Variants in PTK2B observed in about 807,000 individuals in gnomAD.
The protein encoded by PTK2B is protein-tyrosine kinase 2-beta.
A neutral mutation model predicts 142.9 loss-of-function variants in PTK2B; 71 were observed. The ratio of observed to expected loss-of-function variants is 0.50; its 90% CI spans 0.41 to 0.61. The LOEUF (loss-of-function observed/expected upper bound fraction) is 0.61. PTK2B is among the 20% of genes least tolerant of loss of function. The pLI is 0.00. For synonymous variants in PTK2B, 519 were observed against 503.4 expected, an observed-to-expected ratio of 1.03 and a Z score of -0.42; for missense variants, 1,105 against 1,320.4, an observed-to-expected ratio of 0.84 and a Z score of 2.53.
At chr8:27,434,588 C>T in intron 13 of PTK2B, 29 bp downstream of exon 13, 1 of 1,589,554 alleles carries the variant, frequency 6.3e-7, no homozygotes, top group Non-Finnish European at 8.6e-7. Flanking sequence ...CCTCCACCTG[C>T]TCCAGTTGCC....
At chr8:27,311,272 C>T, upstream of PTK2B, 3 of 1,461,684 alleles carry the variant, frequency 2.1e-6, no homozygotes, top group Non-Finnish European at 1.8e-6. Context: ...GGAACTTTTG[C>T]TCCGGCCCCT....
chr8:27,317,206 T>C (rs1412959663), intron 3 of PTK2B, among the ~76,000 whole-genome samples: 2 of 152,226 alleles, frequency 1.3e-5, no homozygotes, highest in Non-Finnish European at 2.9e-5. Context: ...CCCTTGCATC[T>C]TATTGGCCAG....
At chr8:27,423,944 G>A (rs1398550834) in intron 5 of PTK2B, among the ~76,000 whole-genome samples, 1 of 152,232 alleles carries the variant, frequency 6.6e-6, no homozygotes, top group Middle Eastern at 3.4e-3. Context: ...TTAGAAGGCA[G>A]CCCAGCTCAC....
Position 27,438,912 on chromosome 8 carries a change from G to C in PTK2B, c.1644-119G>C, listed in dbSNP as rs1411343329. ...ACAGAAGCTGCCCGATTCTGCTCTG[G>C]AGTCCGAGTCCCTGGCTTAGATTCT... On this transcript the variant is annotated intron_variant, in intron 18 of 30. Coordinates refer to ENST00000346049, the MANE Select transcript of PTK2B (RefSeq NM_173176.3). 5.5e-6 allele frequency: 5 copies of C among 911,996 alleles called. No homozygotes were observed. In the Admixed American group the frequency reaches 1.1e-4, roughly 20 times the overall value. The allele number at this position is 911,996 out of a possible 1,614,324, so 56.5% of individuals were successfully genotyped here. A position where few individuals can be genotyped will look rare whatever the true frequency, so the allele number is the denominator to read the frequency against.
intron 1 of PTK2B, among the ~76,000 whole-genome samples, chr8:27,371,142 G>A (rs781768960): frequency 2.0e-5 from 3 of 152,062 alleles, no homozygotes; most frequent in Admixed American, 6.5e-5. Flanking sequence ...TGATACACCC[G>A]CCTCAGCCTC....
At chr8:27,413,285 CAGA>C (rs1259318835) in intron 2 of PTK2B, among the ~76,000 whole-genome samples, 3 of 152,242 alleles carry the variant, frequency 2.0e-5, no homozygotes, top group Non-Finnish European at 4.4e-5. Flanking sequence ...CATTCTCCTA[CAGA>C]AGATGTGCTG....
rs191318363 is a variant in PTK2B at position 27,388,339 on chromosome 8, A to G, written c.-37-9209A>G. Reference sequence around the variant, plus strand: ...TGATTTGAAGAGGAGAAGTTGGAGGATAACTTGGTTTGGGGTTAAAGATGA... The same window carrying G: ...TGATTTGAAGAGGAGAAGTTGGAGGGTAACTTGGTTTGGGGTTAAAGATGA... On this transcript the variant is annotated intron_variant, in intron 1 of 30. Transcript: ENST00000346049. Among the ~76,000 whole-genome samples, 222 of 152,364 alleles carry G rather than the reference A, an allele frequency of 1.5e-3. 1 individual carries two copies. The highest frequency in any genetic ancestry group is 0.013 in the South Asian group (62 of 4,830).
At chr8:27,431,571 C>G (rs1797905065) in intron 9 of PTK2B, 99 bp downstream of exon 9, 1 of 1,486,038 alleles carries the variant, frequency 6.7e-7, no homozygotes, top group East Asian at 2.3e-5. Flanking sequence ...CTTCTTGCCC[C>G]TGTTGCTGAA....
chr8:27,372,086 A>G (rs1445932478), intron 1 of PTK2B, among the ~76,000 whole-genome samples: 1 of 152,238 alleles, frequency 6.6e-6, no homozygotes, highest in African/African-American at 2.4e-5. Context: ...GCACTTGATA[A>G]ACAGTAGTTG....
chr8:27,332,642 T>A (rs1803827262), intron 1 of PTK2B, among the ~76,000 whole-genome samples: 1 of 152,146 alleles, frequency 6.6e-6, no homozygotes, highest in South Asian at 2.1e-4. Context: ...AGTACAGTGG[T>A]GCGATCACAC....
At chr8:27,422,244 C>T in intron 4 of PTK2B, 60 bp from the exon 5 acceptor site, 1 of 1,504,990 alleles carries the variant, frequency 6.6e-7, no homozygotes, top group Non-Finnish European at 9.0e-7. Context: ...TCTGAGGCCT[C>T]TGTGCAGGGA....
intron 3 of PTK2B, among the ~76,000 whole-genome samples, chr8:27,319,204 C>A (rs943958783): frequency 6.6e-6 from 1 of 152,016 alleles, no homozygotes; most frequent in Non-Finnish European, 1.5e-5. Context: ...GTATAATTAA[C>A]CCCCACATAC....
Position 27,430,172 on chromosome 8 carries a change from C to T in PTK2B, c.614+17C>T, listed in dbSNP as rs1810320049. On this transcript the variant is annotated intron_variant, in intron 6 of 30. Coordinates refer to ENST00000346049, the MANE Select transcript of PTK2B (RefSeq NM_173176.3). Reference sequence around the variant, plus strand: ...GCTCCTAGAGTAAGTTCTGGGATCACCCATCTCCCCTCCCTTCCTGTCCTT... The same window carrying T: ...GCTCCTAGAGTAAGTTCTGGGATCATCCATCTCCCCTCCCTTCCTGTCCTT... 2 of 1,606,560 alleles carry T rather than the reference C, an allele frequency of 1.2e-6. No individual in the cohort carries two copies. Among genetic ancestry groups the T allele is most frequent in the Middle Eastern group, 1.6e-4 (1 of 6,074 alleles).
At chr8:27,324,808 T>C (rs535879595), upstream of PTK2B, among the ~76,000 whole-genome samples, 2 of 152,316 alleles carry the variant, frequency 1.3e-5, no homozygotes, top group South Asian at 4.1e-4. Flanking sequence ...CACTTCCTCC[T>C]CCTACTCAGG....
chr8:27,394,550 G>A lies in PTK2B; in HGVS notation c.-37-2998G>A, dbSNP rs77251806. Among the ~76,000 whole-genome samples the A allele has an allele frequency of 6.1e-3, 937 of 152,366 alleles. 11 individuals are homozygous for A. The highest frequency in any genetic ancestry group is 0.022 in the African/African-American group (908 of 41,580). Reference sequence around the variant, plus strand: ...TCTCGGAATCTGCGAGTGAGTGTGAGTGAATGTGATGGCACAGGACATTAC... The same window carrying A: ...TCTCGGAATCTGCGAGTGAGTGTGAATGAATGTGATGGCACAGGACATTAC... On this transcript the variant is annotated intron_variant, in intron 1 of 30. Transcript: ENST00000346049.
chr8:27,410,357 G>GA (rs1808983306), intron 2 of PTK2B, among the ~76,000 whole-genome samples: 1 of 48,046 alleles, frequency 2.1e-5, no homozygotes, highest in African/African-American at 7.9e-5. Flanking sequence ...TGGAGCCTTA[G>GA]AGCCAGAAGA....
intron 3 of PTK2B, among the ~76,000 whole-genome samples, chr8:27,314,474 A>G (rs984147852): frequency 9.2e-5 from 14 of 152,232 alleles, no homozygotes; most frequent in Admixed American, 7.9e-4. Flanking sequence ...GAGGCAGGAA[A>G]ATAGGGTCTG....
rs1472199674 is a variant in PTK2B, at chr8:27,432,263, A to G, written c.889A>G (p.Thr297Ala). The G allele has an allele frequency of 4.3e-6, 7 of 1,613,936 alleles. 1 individual carries two copies. The South Asian group carries it at 6.6e-5, about 15-fold the overall frequency. Residue 297 changes from threonine to alanine, a missense_variant, in exon 10 of 31, where the codon ACC (threonine) becomes GCC (alanine). By Grantham distance (58) the Thr-to-Ala change is moderately conservative. Coordinates refer to ENST00000346049, the MANE Select transcript of PTK2B (RefSeq NM_173176.3). ...RQLTSQDAKP[T>A]CLAEFKQIRS... ...GCTCCCCCTTCTTTTCCCACAGCCC[A>G]CCTGCCTGGCCGAGTTCAAGCAGAT...
intron 19 of PTK2B, 24 bp from the exon 20 acceptor site, chr8:27,439,285 A>T (rs369786383): frequency 6.3e-7 from 1 of 1,595,258 alleles, no homozygotes; most frequent in South Asian, 1.1e-5. Flanking sequence ...TTCCCTAAAA[A>T]TCAACCTCTT....
Sources: allele counts gnomAD v4.1 joint callset (sites outside exome capture counted in the v4.1 genomes callset), GRCh38; gene constraint gnomAD v4.1.1; transcripts MANE v1.5; gene names NCBI Gene and HGNC (gene_info 2026-07-23, HGNC 2026-07-21).